Variants in SNTG2 observed in about 807,000 individuals in gnomAD.
SNTG2 encodes gamma-2-syntrophin.
A neutral mutation model predicts 70.9 loss-of-function variants in SNTG2; 74 were observed. That is an observed-to-expected ratio of 1.04 (90% CI 0.86 to 1.27). The LOEUF (loss-of-function observed/expected upper bound fraction) is 1.27, where lower values mean the gene tolerates loss of function less well. Among genes scored for constraint, SNTG2 ranks in the 50% most tolerant of loss-of-function variants. The pLI is 0.00. For missense variants in SNTG2, 717 were observed against 690.7 expected, an observed-to-expected ratio of 1.04 and a Z score of -0.43; for synonymous variants, 278 against 273.8, an observed-to-expected ratio of 1.02 and a Z score of -0.15.
chr2:1,320,852 A>C (rs903600482), intron 16 of SNTG2, among the ~76,000 whole-genome samples: 10 of 152,178 alleles, frequency 6.6e-5, no homozygotes, highest in African/African-American at 2.2e-4. Context: ...ATTCCCACGA[A>C]AGATACCCAG....
rs77130830 is a variant in SNTG2 at position 1,185,865 on chromosome 2, T to C, written c.591+12682T>C. Among the ~76,000 whole-genome samples, 332 of 152,376 alleles carry C rather than the reference T, an allele frequency of 2.2e-3. 1 individual carries two copies. The Middle Eastern group carries it at 0.027, about 12-fold the overall frequency. On this transcript the variant is annotated intron_variant, in intron 8 of 16. Coordinates refer to ENST00000308624, the MANE Select transcript of SNTG2 (RefSeq NM_018968.4). ...TTAACATTTGGCTCCTCTTTACTTA[T>C]GTAAATTTCTGCAACTGGCTGGAAT...
intron 12 of SNTG2, among the ~76,000 whole-genome samples, chr2:1,258,894 AC>A (rs1678264762): frequency 1.3e-5 from 2 of 152,170 alleles, no homozygotes; most frequent in Non-Finnish European, 2.9e-5. Flanking sequence ...CTGAAACAGA[AC>A]TAAGTTTAGT....
At position 1,075,128 on chromosome 2, in the gene SNTG2, CA is replaced by C. The variant is rs531402141; in HGVS notation, c.73-8389del. On this transcript the variant is annotated intron_variant, in intron 1 of 16. Coordinates refer to ENST00000308624, the MANE Select transcript of SNTG2 (RefSeq NM_018968.4). Reference sequence around the variant, plus strand: ...AAGAGTAATAACTTAGCCAAAGTCACATAACTAAGAAAAATGGATCAGATGA... The same window carrying C: ...AAGAGTAATAACTTAGCCAAAGTCACTAACTAAGAAAAATGGATCAGATGA... 8.5e-4 allele frequency among the ~76,000 whole-genome samples: 130 copies of C among 152,224 alleles called. 1 individual carries two copies. The highest frequency in any genetic ancestry group is 3.0e-3 in the Admixed American group (46 of 15,304).
intron 1 of SNTG2, among the ~76,000 whole-genome samples, chr2:1,006,731 G>C (rs1448284471): frequency 2.0e-5 from 3 of 152,112 alleles, no homozygotes; most frequent in Non-Finnish European, 4.4e-5. Flanking sequence ...AGATGATTTA[G>C]AGTATGAGGG....
At chr2:1,125,415 C>CTCCCTCCCTCCCTTTGCTCCTT (rs1667637790) in intron 4 of SNTG2, among the ~76,000 whole-genome samples, 2 of 152,024 alleles carry the variant, frequency 1.3e-5, no homozygotes, top group South Asian at 4.2e-4. Flanking sequence ...TTGCTTCTTC[C>CTCCCTCCCTCCCTTTGCTCCTT]CTCTCCCTCC....
chr2:1,063,515 A>G (rs747309669), intron 1 of SNTG2, among the ~76,000 whole-genome samples: 1 of 152,192 alleles, frequency 6.6e-6, no homozygotes, highest in Non-Finnish European at 1.5e-5. Flanking sequence ...AATGCGGTGT[A>G]AGAATAGGAA....
chr2:1,114,305 G>C (rs186752974), intron 4 of SNTG2, among the ~76,000 whole-genome samples: 2 of 151,972 alleles, frequency 1.3e-5, no homozygotes, highest in Non-Finnish European at 2.9e-5. Flanking sequence ...ACAGTCCTTT[G>C]AGAAGGATCG....
At chr2:1,206,150 T>C (rs952609404) in intron 8 of SNTG2, among the ~76,000 whole-genome samples, 5 of 152,150 alleles carry the variant, frequency 3.3e-5, no homozygotes, top group Admixed American at 1.3e-4. Flanking sequence ...TGCAAGCTAT[T>C]GAGTTGATGT....
intron 8 of SNTG2, among the ~76,000 whole-genome samples, chr2:1,200,817 G>A (rs1673230656): frequency 6.6e-6 from 1 of 151,948 alleles, no homozygotes; most frequent in Non-Finnish European, 1.5e-5. Context: ...AATCATCAGG[G>A]AAATGAAAAT....
At chr2:1,291,355 T>C (rs1679987315) in intron 14 of SNTG2, among the ~76,000 whole-genome samples, 1 of 152,162 alleles carries the variant, frequency 6.6e-6, no homozygotes, top group African/African-American at 2.4e-5. Flanking sequence ...TTAATTTTGG[T>C]ATTATTCTGT....
intron 1 of SNTG2, among the ~76,000 whole-genome samples, chr2:963,199 G>C (rs750724638): frequency 6.6e-6 from 1 of 151,650 alleles, no homozygotes; most frequent in Non-Finnish European, 1.5e-5. Flanking sequence ...TGAATTTAAA[G>C]CCTATTTTTC....
At chr2:1,166,331 C>T (rs1421393668) in intron 7 of SNTG2, among the ~76,000 whole-genome samples, 5 of 152,122 alleles carry the variant, frequency 3.3e-5, no homozygotes, top group Admixed American at 6.5e-5. Context: ...CCAGGGCATC[C>T]GATGTGGAAT....
intron 8 of SNTG2, among the ~76,000 whole-genome samples, chr2:1,186,112 C>G (rs1313059227): frequency 6.6e-6 from 1 of 152,136 alleles, no homozygotes; most frequent in Non-Finnish European, 1.5e-5. Flanking sequence ...CTCTCAAGTT[C>G]AATGTTGCAC....
At chr2:993,131 T>G (rs1661558932) in intron 1 of SNTG2, among the ~76,000 whole-genome samples, 1 of 151,318 alleles carries the variant, frequency 6.6e-6, no homozygotes, top group Non-Finnish European at 1.5e-5. Flanking sequence ...TTGTGCAGGT[T>G]AGTTACATAT....
At chr2:1,083,762 CGTT>C in intron 2 of SNTG2, 107 bp downstream of exon 2, 1 of 1,254,608 alleles carries the variant, frequency 8.0e-7, no homozygotes. Context: ...AGCTGCTACT[CGTT>C]ATTTAAATAT....
chr2:1,184,660 C>T (rs1479041770), intron 8 of SNTG2, among the ~76,000 whole-genome samples: 1 of 152,110 alleles, frequency 6.6e-6, no homozygotes, highest in African/African-American at 2.4e-5. Context: ...TTTTAAACAA[C>T]CAGATCTTAT....
intron 7 of SNTG2, among the ~76,000 whole-genome samples, chr2:1,169,949 C>T (rs1297217718): frequency 1.3e-5 from 2 of 149,688 alleles, no homozygotes; most frequent in Admixed American, 6.8e-5. Flanking sequence ...GCAAGACAGC[C>T]ATAATCTCTC....
At chr2:1,091,254 G>A (rs990795914) in intron 2 of SNTG2, among the ~76,000 whole-genome samples, 3 of 152,172 alleles carry the variant, frequency 2.0e-5, no homozygotes, top group Non-Finnish European at 4.4e-5. Context: ...CACCTGCCCT[G>A]ATAGTGCAGG....
At chr2:1,004,441 C>T (rs35996237) in intron 1 of SNTG2, among the ~76,000 whole-genome samples, 16,135 of 152,196 alleles carry the variant, frequency 0.11, 981 homozygotes, top group East Asian at 0.28. Flanking sequence ...ATGGCTTGTA[C>T]ACAGGATATA....
Sources: allele counts gnomAD v4.1 joint callset (sites outside exome capture counted in the v4.1 genomes callset), GRCh38; gene constraint gnomAD v4.1.1; transcripts MANE v1.5; gene names NCBI Gene and HGNC (gene_info 2026-07-23, HGNC 2026-07-21).